ZNF629: variants seen among roughly 807,000 people sequenced by gnomAD.
ZNF629 encodes zinc finger protein 629, also known as DNA-binding protein.
Under a neutral mutation model 59.7 loss-of-function variants are expected in ZNF629, and 9 were observed. The ratio of observed to expected loss-of-function variants is 0.15; its 90% CI spans 0.09 to 0.26. The LOEUF (loss-of-function observed/expected upper bound fraction) is 0.26, where lower values mean the gene tolerates loss of function less well. Ranked by LOEUF, ZNF629 falls within the 10% of genes least tolerant of loss-of-function variation. The pLI, the probability that ZNF629 is intolerant of heterozygous loss-of-function variation, is 1.00. For missense variants in ZNF629, 853 were observed against 1,165.4 expected, an observed-to-expected ratio of 0.73 and a Z score of 3.90; for synonymous variants, 509 against 498.9, an observed-to-expected ratio of 1.02 and a Z score of -0.27.
rs1362422320 is a variant in ZNF629, at chr16:30,786,463, A to G, written c.-34+565T>C. 6.6e-6 allele frequency among the ~76,000 whole-genome samples: 1 copy of G among 152,148 alleles called. No homozygotes were observed. Among genetic ancestry groups the G allele is most frequent in the Admixed American group, 6.5e-5 (1 of 15,284 alleles). ...GACGTGGGAAGACCGAGGGAGGCCGAGGCGCTGGGAGCCCAGGCGCCAGGC... is the reference window on the plus strand; with the variant it reads ...GACGTGGGAAGACCGAGGGAGGCCGGGGCGCTGGGAGCCCAGGCGCCAGGC... On this transcript the variant is annotated intron_variant, in intron 1 of 2. Coordinates refer to ENST00000262525, the MANE Select transcript of ZNF629 (RefSeq NM_001080417.3). This position sits in a 1 kb window ranked among gnomAD's most constrained non-coding sequence, Gnocchi z 4.8.
chr16:30,785,861 A>AATAAATAC (rs2054327268), intron 1 of ZNF629, among the ~76,000 whole-genome samples: 1 of 138,090 alleles, frequency 7.2e-6, no homozygotes, highest in African/African-American at 2.5e-5. Context: ...CCCCTGGTAA[A>AATAAATAC]ATAAATAAAT....
Position 30,783,863 on chromosome 16 carries a change from G to A in ZNF629, c.465C>T (p.Cys155=), listed in dbSNP as rs540543715. Residue 155 remains cysteine (C), a synonymous_variant, in exon 3 of 3, where the codon TGC becomes TGT. Transcript: ENST00000262525. ...TGGACCACTGGCTGAAGCTCTTGCCGCACTCGTTGCAGATGTAGGGCTTCT... is the reference window on the plus strand; with the variant it reads ...TGGACCACTGGCTGAAGCTCTTGCCACACTCGTTGCAGATGTAGGGCTTCT... The part of the protein sequence containing the change: ...GAEKPYICNE[C]GKSFSQWSKL... The A allele has an allele frequency of 3.1e-6, 5 of 1,609,540 alleles. No individual in the cohort carries two copies. In the African/African-American group the frequency reaches 4.0e-5, roughly 13 times the overall value.
rs2054305512 is a variant in ZNF629 at position 30,783,881 on chromosome 16, G to T, written c.447C>A (p.Pro149=). ...TCTTGCCGCACTCGTTGCAGATGTA[G>T]GGCTTCTCCGCCCCCGCCGGGCGGC... The part of the protein sequence containing the change: ...VQGRPAGAEK[P]YICNECGKSF... The change falls in exon 3 of 3, where the codon CCC becomes CCA. Residue 149 remains proline, a synonymous_variant. Coordinates refer to ENST00000262525, the MANE Select transcript of ZNF629 (RefSeq NM_001080417.3). 6.2e-7 allele frequency: 1 copy of T among 1,605,466 alleles called. No individual in the cohort carries two copies. The highest frequency in any genetic ancestry group is 8.5e-7 in the Non-Finnish European group (1 of 1,175,190).
Position 30,782,263 on chromosome 16 carries a change from G to A in ZNF629, c.2065C>T (p.Pro689Ser). ...QHQLTHGNEK[P>S]FLFPDYRIGL... ...ATTCTATAATCAGGAAAGAGAAAGG[G>A]CTTTTCGTTGCCGTGGGTGAGCTGA... The change falls in exon 3 of 3, where the codon CCC becomes TCC. Residue 689 changes from proline (P) to serine (S), a missense_variant. By Grantham distance (74) the Pro-to-Ser change is moderately conservative. Coordinates refer to ENST00000262525, the MANE Select transcript of ZNF629 (RefSeq NM_001080417.3). The A allele has an allele frequency of 6.2e-7, 1 of 1,613,248 alleles. No homozygotes were observed.
chr16:30,781,883 C>G lies in ZNF629; in HGVS notation c.2445G>C (p.Glu815Asp). The G allele has an allele frequency of 6.4e-7, 1 of 1,560,022 alleles. No homozygotes were observed. The highest frequency in any genetic ancestry group is 8.7e-7 in the Non-Finnish European group (1 of 1,150,840). ...TCTCTGTGGGGGTAGGGGTCTCGCC[C>G]TCACCTTCCTGATCTGTGGACAGGG... ...AVTLSTDQEGEGETPTPTESS... is the reference protein window; with the variant it reads ...AVTLSTDQEGDGETPTPTESS... Residue 815 changes from glutamate to aspartate, a missense_variant, in exon 3 of 3, where the codon GAG (glutamate) becomes GAC (aspartate). Glu to Asp is a conservative substitution (Grantham distance 45). Transcript: ENST00000262525.
rs1470032344 is a variant in ZNF629 at position 30,784,174 on chromosome 16, T to C, written c.154A>G (p.Ser52Gly). ...TCTGTTGAGTCCTTGGATTCTGGAC[T>C]CTGAGCCGGGTCTCCCATGATGATC... ...EEIIMGDPAQ[S>G]PESKDSTEMS... Residue 52 changes from serine (S) to glycine (G), a missense_variant, in exon 3 of 3, where the codon AGT (serine) becomes GGT (glycine). Coordinates refer to ENST00000262525, the MANE Select transcript of ZNF629 (RefSeq NM_001080417.3). The C allele has an allele frequency of 6.2e-7, 1 of 1,609,724 alleles. No individual in the cohort carries two copies. Among genetic ancestry groups the C allele is most frequent in the Admixed American group, 1.7e-5 (1 of 59,648 alleles).
chr16:30,781,771 C>A lies in ZNF629; in HGVS notation c.2557G>T (p.Glu853Ter). The change falls in exon 3 of 3, where the codon GAA (glutamate) becomes TAA (stop). Residue 853 changes from glutamate to a stop codon, truncating the protein, a stop_gained. Transcript: ENST00000262525. LOFTEE classifies it high-confidence loss of function. ...CTATGGAGCAGGAGGGCTGCGACTT[C>A]TGTGAAGCCGGCTCCACACTCGGGG... ...LCPECGAGFT[E>*]VAALLLHRSC... The A allele has an allele frequency of 6.2e-7, 1 of 1,612,714 alleles. No individual in the cohort carries two copies. The highest frequency in any genetic ancestry group is 8.5e-7 in the Non-Finnish European group (1 of 1,179,304).
At position 30,781,989 on chromosome 16, in the gene ZNF629, C is replaced by G. The variant is rs773610715; in HGVS notation, c.2339G>C (p.Arg780Pro). The G allele has an allele frequency of 6.4e-7, 1 of 1,563,182 alleles. No individual in the cohort carries two copies. Among genetic ancestry groups the G allele is most frequent in the African/African-American group, 1.4e-5 (1 of 72,958 alleles). Residue 780 changes from arginine to proline, a missense_variant, in exon 3 of 3, where the codon CGC becomes CCC. Arg to Pro is a moderately radical substitution (Grantham distance 103). This residue lies in a region of ZNF629 where 420 missense variants were observed against 435.6 expected (regional missense o/e 0.96). Coordinates refer to ENST00000262525, the MANE Select transcript of ZNF629 (RefSeq NM_001080417.3). ...CSDCRASFLD[R>P]VALTRHQETH... ...TTCTTGGTGCCGGGTGAGGGCCACG[C>G]GGTCGAGGAAGGAGGCCCTGCAATC... is the stretch of plus-strand genomic sequence containing the variant.
At chr16:30,784,572 A>C (rs2054316090) in intron 1 of ZNF629, 57 bp from the exon 2 acceptor site, 1 of 1,361,118 alleles carries the variant, frequency 7.3e-7, no homozygotes, top group Admixed American at 2.5e-5. Context: ...ACTTTGCTTT[A>C]TTCCCCCTGA....
rs899161107 is a variant in ZNF629 at position 30,786,417 on chromosome 16, A to G, written c.-34+611T>C. 6.6e-6 allele frequency among the ~76,000 whole-genome samples: 1 copy of G among 152,110 alleles called. No individual in the cohort carries two copies. On this transcript the variant is annotated intron_variant, in intron 1 of 2. Coordinates refer to ENST00000262525, the MANE Select transcript of ZNF629 (RefSeq NM_001080417.3). This position sits in a 1 kb window ranked among gnomAD's most constrained non-coding sequence, Gnocchi z 4.8. Reference sequence around the variant, plus strand: ...CAGAGTAGGAGGGAAAGGGTTAATGACAGGGCCGACACAGAGCATGGACGT... The same window carrying G: ...CAGAGTAGGAGGGAAAGGGTTAATGGCAGGGCCGACACAGAGCATGGACGT...
At position 30,781,660 on chromosome 16, in the gene ZNF629, G is replaced by C; in HGVS notation, c.*58C>G. The C allele has an allele frequency of 6.9e-7, 1 of 1,458,894 alleles. No individual in the cohort carries two copies. Among genetic ancestry groups the C allele is most frequent in the East Asian group, 2.6e-5 (1 of 39,036 alleles). 90.4% of individuals were successfully genotyped at this position (1,458,894 alleles called of 1,614,324 possible). ...CCCTTCCCCATGTAATTTTTTTGGG[G>C]GAAAAAATCCAGTGTTCCTCTCTGG... is the stretch of plus-strand genomic sequence containing the variant. On this transcript the variant is annotated 3_prime_UTR_variant, in exon 3 of 3. Coordinates refer to ENST00000262525, the MANE Select transcript of ZNF629 (RefSeq NM_001080417.3).
rs1265016941 is a variant in ZNF629 at position 30,779,640 on chromosome 16, G to A, written c.*2078C>T. 1 of 152,144 alleles carries A rather than the reference G, an allele frequency of 6.6e-6. No homozygotes were observed. The highest frequency in any genetic ancestry group is 1.5e-5 in the Non-Finnish European group (1 of 68,038). 9.4% of individuals were successfully genotyped at this position (152,144 alleles called of 1,614,324 possible). ...GGCGTTTTCCTCCCACAATGTTTGA[G>A]ATTTTGATCCTTTTAAATGTGAGGG... On this transcript the variant is annotated 3_prime_UTR_variant, in exon 3 of 3. Transcript: ENST00000262525.
In ZNF629 at chr16:30,782,820, G is replaced by T; in HGVS notation, c.1508C>A (p.Thr503Asn). ...CTCGTCCATGTGCGTGCGGACGTGGGTAATAAGGTTGGAGCTCTGGCTGAA... is the reference window on the plus strand; with the variant it reads ...CTCGTCCATGTGCGTGCGGACGTGGTTAATAAGGTTGGAGCTCTGGCTGAA... ...KSFSQSSNLI[T>N]HVRTHMDENL... The change falls in exon 3 of 3, where the codon ACC (threonine) becomes AAC (asparagine). Residue 503 changes from threonine (T) to asparagine (N), a missense_variant. By Grantham distance (65) the Thr-to-Asn change is moderately conservative. Transcript: ENST00000262525. 1 of 1,614,084 alleles carries T rather than the reference G, an allele frequency of 6.2e-7. No homozygotes were observed. The highest frequency in any genetic ancestry group is 8.5e-7 in the Non-Finnish European group (1 of 1,179,980).
At position 30,783,983 on chromosome 16, in the gene ZNF629, C is replaced by T. The variant is rs1009373707; in HGVS notation, c.345G>A (p.Gln115=). 4 of 1,577,268 alleles carry T rather than the reference C, an allele frequency of 2.5e-6. No individual in the cohort carries two copies. Among genetic ancestry groups the T allele is most frequent in the African/African-American group, 2.7e-5 (2 of 74,272 alleles). The change falls in exon 3 of 3, where the codon CAG becomes CAA. Residue 115 remains glutamine (Q), a synonymous_variant. Coordinates refer to ENST00000262525, the MANE Select transcript of ZNF629 (RefSeq NM_001080417.3). ...TGTTCCATGTGGTGAGAGCGCCCCA[C>T]TGCCAGCTGGCCTCGCAGGCCTTGG... The part of the protein sequence containing the change: ...DWTKACEASW[Q]WGALTTWNSP...
chr16:30,780,400 C>T lies in ZNF629; in HGVS notation c.*1318G>A, dbSNP rs1047255824. Reference sequence around the variant, plus strand: ...CTGAAGTTTAAAATCAAGTTGCTGGCTAATCAAAGCTTTCTAAGAAATTCT... The same window carrying T: ...CTGAAGTTTAAAATCAAGTTGCTGGTTAATCAAAGCTTTCTAAGAAATTCT... On this transcript the variant is annotated 3_prime_UTR_variant, in exon 3 of 3. Transcript: ENST00000262525. The T allele has an allele frequency of 1.3e-5, 2 of 152,638 alleles. No homozygotes were observed. The highest frequency in any genetic ancestry group is 3.8e-4 in the East Asian group (2 of 5,202). 9.5% of individuals were successfully genotyped at this position (152,638 alleles called of 1,614,324 possible).
In ZNF629 at chr16:30,786,872, G is replaced by GC. The variant is rs1229078357; in HGVS notation, c.-34+155dup. ...CTTCCCAGAATCCTCGGCCCTCCGC[G>GC]CCCCCCGCCCGCCCCCACCCCGGCC... On this transcript the variant is annotated intron_variant, in intron 1 of 2. Transcript: ENST00000262525. This position sits in a 1 kb window ranked among gnomAD's most constrained non-coding sequence, Gnocchi z 4.8. 2.0e-5 allele frequency among the ~76,000 whole-genome samples: 3 copies of GC among 146,936 alleles called. No homozygotes were observed. Among genetic ancestry groups the GC allele is most frequent in the Non-Finnish European group, 3.0e-5 (2 of 66,346 alleles).
At position 30,783,564 on chromosome 16, in the gene ZNF629, G is replaced by T; in HGVS notation, c.764C>A (p.Ser255Tyr). 6.2e-7 allele frequency: 1 copy of T among 1,613,794 alleles called. No individual in the cohort carries two copies. The highest frequency in any genetic ancestry group is 8.5e-7 in the Non-Finnish European group (1 of 1,179,902). Residue 255 changes from serine to tyrosine, a missense_variant, in exon 3 of 3, where the codon TCC (serine) becomes TAC (tyrosine). Around this residue, in one of 3 missense-constraint regions of ZNF629, gnomAD observed 201 missense variants for 536.5 expected, o/e 0.37. Coordinates refer to ENST00000262525, the MANE Select transcript of ZNF629 (RefSeq NM_001080417.3). ...QSTNLIKHQR[S>Y]HTGEKPYKCG... Reference sequence around the variant, plus strand: ...CTTGTAGGGCTTCTCGCCGGTGTGGGATCGCTGGTGCTTGATGAGGTTGGT... The same window carrying T: ...CTTGTAGGGCTTCTCGCCGGTGTGGTATCGCTGGTGCTTGATGAGGTTGGT...
Position 30,786,506 on chromosome 16 carries a change from C to G in ZNF629, c.-34+522G>C, listed in dbSNP as rs1192523878. ...CGCCAGGCACGCCAGCCTGAGACCTCGCGATGGCCCCACTGCAGAGGGAGG... is the reference window on the plus strand; with the variant it reads ...CGCCAGGCACGCCAGCCTGAGACCTGGCGATGGCCCCACTGCAGAGGGAGG... On this transcript the variant is annotated intron_variant, in intron 1 of 2. Transcript: ENST00000262525. This position sits in a 1 kb window ranked among gnomAD's most constrained non-coding sequence, Gnocchi z 4.8. Among the ~76,000 whole-genome samples, 2 of 152,200 alleles carry G rather than the reference C, an allele frequency of 1.3e-5. No homozygotes were observed. Among genetic ancestry groups the G allele is most frequent in the Non-Finnish European group, 2.9e-5 (2 of 68,018 alleles).
In ZNF629 at chr16:30,783,551, C is replaced by T; in HGVS notation, c.777G>A (p.Glu259=). 1 of 1,614,046 alleles carries T rather than the reference C, an allele frequency of 6.2e-7. No individual in the cohort carries two copies. Among genetic ancestry groups the T allele is most frequent in the Non-Finnish European group, 8.5e-7 (1 of 1,179,950 alleles). Residue 259 remains glutamate (E), a synonymous_variant, in exon 3 of 3, where the codon GAG becomes GAA. Transcript: ENST00000262525. ...LIKHQRSHTG[E]KPYKCGECRR... ...GGCACTCGCCGCACTTGTAGGGCTT[C>T]TCGCCGGTGTGGGATCGCTGGTGCT...
Sources: allele counts gnomAD v4.1 joint callset (sites outside exome capture counted in the v4.1 genomes callset), GRCh38; gene constraint gnomAD v4.1.1; regional missense constraint gnomAD v4.1.1; non-coding constraint Gnocchi (gnomAD v3.1); transcripts MANE v1.5; gene names NCBI Gene and HGNC (gene_info 2026-07-23, HGNC 2026-07-21).